SNX14: variants seen among roughly 807,000 people sequenced by gnomAD.
SNX14 encodes the protein sorting nexin-14.
In SNX14, 93 loss-of-function variants were observed where a neutral mutation model predicts 133.8. The observed-to-expected ratio is 0.70, with a 90% CI of 0.59 to 0.83. The LOEUF is 0.83. SNX14 is among the 40% of genes least tolerant of loss of function. The probability of loss-of-function intolerance (pLI) is 0.00; values close to 1 mark genes in which losing one functional copy is unlikely to be tolerated. For synonymous variants in SNX14, 368 were observed against 365.6 expected, an observed-to-expected ratio of 1.01 and a Z score of -0.07; for missense variants, 945 against 1,094.9, an observed-to-expected ratio of 0.86 and a Z score of 1.93.
rs750564936 is a variant in SNX14, at chr6:85,574,233, TAACA to T, written c.261+21_261+24del. 1.0e-5 allele frequency: 16 copies of T among 1,536,126 alleles called. 1 individual carries two copies. In the South Asian group the frequency reaches 2.0e-4, roughly 19 times the overall value. On this transcript the variant is annotated intron_variant, in intron 2 of 28. Coordinates refer to ENST00000314673, the MANE Select transcript of SNX14 (RefSeq NM_153816.6). Reference sequence around the variant, plus strand: ...GCTTAGGCTCATATACATTGATTCTTAACAATAAGAACACATAATTTTACCTTGG... The same window carrying T: ...GCTTAGGCTCATATACATTGATTCTTATAAGAACACATAATTTTACCTTGG...
chr6:85,585,648 G>C (rs1800581859), intron 1 of SNX14, among the ~76,000 whole-genome samples: 1 of 151,962 alleles, frequency 6.6e-6, no homozygotes, highest in Non-Finnish European at 1.5e-5. Flanking sequence ...AATTGATAAA[G>C]AGTAAGCATT....
At chr6:85,531,863 C>CA (rs1434564918) in intron 18 of SNX14, among the ~76,000 whole-genome samples, 2 of 151,852 alleles carry the variant, frequency 1.3e-5, no homozygotes, top group African/African-American at 4.8e-5. Context: ...CTTTTCTCTA[C>CA]AAAAAAATTT....
chr6:85,524,988 T>C (rs2127952343), intron 21 of SNX14, among the ~76,000 whole-genome samples: 1 of 152,282 alleles, frequency 6.6e-6, no homozygotes, highest in South Asian at 2.1e-4. Flanking sequence ...ACTATATTAG[T>C]GGTTAGAGAA....
chr6:85,527,123 TTAA>T (rs1778752525), intron 20 of SNX14, among the ~76,000 whole-genome samples: 2 of 152,134 alleles, frequency 1.3e-5, no homozygotes, highest in Non-Finnish European at 2.9e-5. Context: ...TAACCCAGTC[TTAA>T]TAGTTTCCTA....
chr6:85,541,568 A>T (rs1783766471), intron 15 of SNX14, among the ~76,000 whole-genome samples: 1 of 152,118 alleles, frequency 6.6e-6, no homozygotes, highest in Admixed American at 6.6e-5. Flanking sequence ...ATTTAACTGT[A>T]CACTTAGATT....
chr6:85,550,863 T>A (rs184721438), intron 7 of SNX14, among the ~76,000 whole-genome samples: 20 of 151,996 alleles, frequency 1.3e-4, no homozygotes, highest in African/African-American at 4.3e-4. Flanking sequence ...AGTTCACTGC[T>A]ACCTCCACCT....
chr6:85,544,483 A>G (rs1784862499), intron 12 of SNX14, among the ~76,000 whole-genome samples: 2 of 152,226 alleles, frequency 1.3e-5, no homozygotes, highest in Admixed American at 1.3e-4. Context: ...AGGATATTTG[A>G]AAAGACAGCC....
chr6:85,516,035 T>G (rs1012024245), intron 23 of SNX14, among the ~76,000 whole-genome samples: 1 of 152,194 alleles, frequency 6.6e-6, no homozygotes, highest in Non-Finnish European at 1.5e-5. Flanking sequence ...ACTATTAAAC[T>G]TTTGTATATT....
chr6:85,543,252 A>T lies in SNX14; in HGVS notation c.1319T>A (p.Phe440Tyr). ...GGAAAGAACATGTTCATATGCTTCA[A>T]AAAGACATCTCATAGTTTGAAGTTT... The part of the protein sequence containing the change: ...VVKLQTMRCL[F>Y]EAYEHVLSLL... Residue 440 changes from phenylalanine to tyrosine, a missense_variant, in exon 14 of 29, where the codon TTT becomes TAT. Phe to Tyr is a conservative substitution (Grantham distance 22). Coordinates refer to ENST00000314673, the MANE Select transcript of SNX14 (RefSeq NM_153816.6). 6.2e-7 allele frequency: 1 copy of T among 1,602,866 alleles called. No individual in the cohort carries two copies. The highest frequency in any genetic ancestry group is 8.5e-7 in the Non-Finnish European group (1 of 1,175,758).
chr6:85,527,536 T>C (rs551251659), intron 20 of SNX14, among the ~76,000 whole-genome samples: 1 of 152,034 alleles, frequency 6.6e-6, no homozygotes, highest in Non-Finnish European at 1.5e-5. Context: ...TTTAACTGAA[T>C]GAAAAATTCT....
intron 4 of SNX14, among the ~76,000 whole-genome samples, chr6:85,571,263 C>T (rs541849358): frequency 9.3e-5 from 14 of 149,804 alleles, no homozygotes; most frequent in East Asian, 8.0e-4. Flanking sequence ...GGGAGGCTGA[C>T]GCAGGAGAAT....
intron 23 of SNX14, among the ~76,000 whole-genome samples, chr6:85,515,267 A>AC (rs1434411735): frequency 2.9e-4 from 43 of 147,326 alleles, no homozygotes; most frequent in African/African-American, 7.8e-4. Context: ...ACCGTCAAAA[A>AC]AAAAAAAAAA....
chr6:85,526,551 T>C (rs749832853), intron 20 of SNX14, among the ~76,000 whole-genome samples: 1 of 152,176 alleles, frequency 6.6e-6, no homozygotes, highest in Non-Finnish European at 1.5e-5. Flanking sequence ...TATAGTATTG[T>C]TATATAAAGC....
At chr6:85,543,514 T>C in intron 13 of SNX14, 91 bp downstream of exon 13, 3 of 1,128,688 alleles carry the variant, frequency 2.7e-6, no homozygotes, top group Non-Finnish European at 3.8e-6. Flanking sequence ...GCTGCCCATG[T>C]ACTGCAGCTA....
At chr6:85,593,530 T>C (rs1458096578) in intron 1 of SNX14, 49 bp downstream of exon 1, 2 of 1,571,650 alleles carry the variant, frequency 1.3e-6, no homozygotes, top group East Asian at 2.3e-5. Flanking sequence ...GCCGGGCGTC[T>C]GCACCTTCGG....
chr6:85,549,645 T>C, intron 8 of SNX14, 78 bp downstream of exon 8: 2 of 1,292,932 alleles, frequency 1.5e-6, no homozygotes, highest in East Asian at 2.6e-5. Flanking sequence ...TTTTAGCATA[T>C]GCCTATCATA....
intron 23 of SNX14, chr6:85,517,521 A>G (rs767086916): frequency 3.3e-5 from 11 of 329,542 alleles, no homozygotes; most frequent in Non-Finnish European, 5.8e-5. Context: ...CCCCAAATAC[A>G]GAAGTGGCAT....
intron 2 of SNX14, among the ~76,000 whole-genome samples, chr6:85,572,860 G>A (rs1002771566): frequency 6.6e-6 from 1 of 152,170 alleles, no homozygotes; most frequent in African/African-American, 2.4e-5. Flanking sequence ...CCAGGAGGCT[G>A]AGGTGGGAGG....
At chr6:85,590,784 T>C (rs73751225) in intron 1 of SNX14, among the ~76,000 whole-genome samples, 134 of 152,316 alleles carry the variant, frequency 8.8e-4, no homozygotes, top group African/African-American at 3.1e-3. Context: ...CAATAAAACA[T>C]GAAAAGGTAC....
Sources: gnomAD v4.1 joint callset for allele counts (sites outside exome capture counted in the v4.1 genomes callset) on GRCh38, gnomAD v4.1.1 for gene constraint, MANE v1.5 for transcripts, NCBI Gene and HGNC (gene_info 2026-07-23, HGNC 2026-07-21) for gene names.